TLL1: variants seen among roughly 807,000 people sequenced by gnomAD.
TLL1 encodes the protein tolloid-like protein 1.
A neutral mutation model predicts 128.2 loss-of-function variants in TLL1; 49 were observed. That is an observed-to-expected ratio of 0.38 (90% CI 0.30 to 0.48). TLL1 has a LOEUF of 0.48. TLL1 is among the 20% of genes least tolerant of loss of function. The probability of loss-of-function intolerance (pLI) is 0.96; values close to 1 mark genes in which losing one functional copy is unlikely to be tolerated. For synonymous variants in TLL1, 454 were observed against 418.8 expected (o/e 1.08, Z -1.03); for missense variants, 1,123 against 1,242.0 (o/e 0.90, Z 1.44).
At position 166,055,185 on chromosome 4, in the gene TLL1, T is replaced by G. The variant is rs1351183608; in HGVS notation, c.1634T>G (p.Ile545Arg). ...RFCGYDKPED[I>R]RSTSNTLWMK... The stretch of plus-strand genomic sequence containing the variant: ...TGTGGTTATGACAAACCTGAAGACA[T>G]AAGATCTACCTCCAATACTTTGTGG... The change falls in exon 13 of 21, where the codon ATA becomes AGA. Residue 545 changes from isoleucine (I) to arginine (R), a missense_variant. This residue lies in a region of TLL1 where 634 missense variants were observed against 672.4 expected (regional missense o/e 0.94). Transcript: ENST00000061240. 1 of 1,613,698 alleles carries G rather than the reference T, an allele frequency of 6.2e-7. No individual in the cohort carries two copies. Among genetic ancestry groups the G allele is most frequent in the Non-Finnish European group, 8.5e-7 (1 of 1,179,780 alleles).
Position 165,991,498 on chromosome 4 carries a change from T to A in TLL1, c.281-1306T>A, listed in dbSNP as rs117099649. Among the ~76,000 whole-genome samples, 446 of 152,078 alleles carry A rather than the reference T, an allele frequency of 2.9e-3. 9 individuals carry two copies. The East Asian group carries it at 0.06, about 21-fold the overall frequency. ...TACCTCATCTTTCTAAAATGTGCAA[T>A]GAAAAAATTTCAAAAATGTTTCTCA... On this transcript the variant is annotated intron_variant, in intron 2 of 20. Transcript: ENST00000061240.
At chr4:165,903,569 T>C (rs1271823487) in intron 1 of TLL1, among the ~76,000 whole-genome samples, 1 of 151,592 alleles carries the variant, frequency 6.6e-6, no homozygotes, top group Middle Eastern at 3.4e-3. Context: ...TGTACCACCA[T>C]GCCCCACTAA....
At chr4:165,979,093 A>G (rs1053229934) in intron 1 of TLL1, among the ~76,000 whole-genome samples, 6 of 152,100 alleles carry the variant, frequency 3.9e-5, no homozygotes, top group Non-Finnish European at 8.8e-5. Context: ...TTACGTGGCT[A>G]TTGCTGCTGC....
intron 1 of TLL1, among the ~76,000 whole-genome samples, chr4:165,986,113 T>C: frequency 6.6e-6 from 1 of 151,970 alleles, no homozygotes; most frequent in East Asian, 1.9e-4. Flanking sequence ...ATCTCCAACT[T>C]TGTTTTTTGA....
At chr4:165,996,582 G>A (rs543457460) in intron 5 of TLL1, among the ~76,000 whole-genome samples, 25 of 148,558 alleles carry the variant, frequency 1.7e-4, no homozygotes, top group Middle Eastern at 3.4e-3. Flanking sequence ...CTGTGCAACA[G>A]AGGAAGACTC....
chr4:166,100,760 T>C lies in TLL1; in HGVS notation c.2926T>C (p.Ser976Pro). 6.2e-7 allele frequency: 1 copy of C among 1,613,026 alleles called. No individual in the cohort carries two copies. The highest frequency in any genetic ancestry group is 8.5e-7 in the Non-Finnish European group (1 of 1,179,308). ...CCTTCAGCCACCAGAAGAGATTTAT[T>C]CAATTGGAGATTCAGTTTTAATTCA... ...CGSGPPEEIYSIGDSVLIHFH... is the reference protein window; with the variant it reads ...CGSGPPEEIYPIGDSVLIHFH... Residue 976 changes from serine to proline, a missense_variant, in exon 21 of 21, where the codon TCA becomes CCA. Coordinates refer to ENST00000061240, the MANE Select transcript of TLL1 (RefSeq NM_012464.5).
intron 1 of TLL1, among the ~76,000 whole-genome samples, chr4:165,879,362 C>T (rs566867091): frequency 6.6e-6 from 1 of 152,106 alleles, no homozygotes; most frequent in African/African-American, 2.4e-5. Context: ...GCAAATTTCT[C>T]TCATGTGAAA....
At chr4:165,926,317 G>A (rs1733265389) in intron 1 of TLL1, among the ~76,000 whole-genome samples, 1 of 152,134 alleles carries the variant, frequency 6.6e-6, no homozygotes, top group South Asian at 2.1e-4. Flanking sequence ...AAACTAGGAT[G>A]GGGAAGATTT....
At chr4:165,923,173 G>GA (rs1410218391) in intron 1 of TLL1, among the ~76,000 whole-genome samples, 2 of 151,966 alleles carry the variant, frequency 1.3e-5, no homozygotes, top group Non-Finnish European at 2.9e-5. Flanking sequence ...AATCCCTAGG[G>GA]AAAATGTGAT....
At chr4:165,919,688 G>A in intron 1 of TLL1, 1 of 387,796 alleles carries the variant, frequency 2.6e-6, no homozygotes, top group East Asian at 8.4e-5. Flanking sequence ...GCTTATTCTA[G>A]GCTTTCATCC....
intron 1 of TLL1, among the ~76,000 whole-genome samples, chr4:165,883,687 A>T (rs1339306758): frequency 6.6e-6 from 1 of 152,156 alleles, no homozygotes; most frequent in Non-Finnish European, 1.5e-5. Context: ...TGGAGAGATG[A>T]TCTTTATGAA....
At chr4:165,981,214 A>G (rs1038119018) in intron 1 of TLL1, among the ~76,000 whole-genome samples, 3 of 152,058 alleles carry the variant, frequency 2.0e-5, no homozygotes, top group Non-Finnish European at 2.9e-5. Context: ...TTAACCAGAT[A>G]GTTCAATAGA....
chr4:166,043,312 A>G lies in TLL1; in HGVS notation c.1417A>G (p.Ile473Val). The change falls in exon 12 of 21, where the codon ATT becomes GTT. Residue 473 changes from isoleucine to valine, a missense_variant. Coordinates refer to ENST00000061240, the MANE Select transcript of TLL1 (RefSeq NM_012464.5). ...TGAGATACGTAAAAATGAAGGACAGATTCAGTCTCCCAATTATCCTGATGA... is the reference window on the plus strand; with the variant it reads ...TGAGATACGTAAAAATGAAGGACAGGTTCAGTCTCCCAATTATCCTGATGA... ...GGEIRKNEGQ[I>V]QSPNYPDDYR... 6.2e-7 allele frequency: 1 copy of G among 1,614,154 alleles called. No individual in the cohort carries two copies. The highest frequency in any genetic ancestry group is 8.5e-7 in the Non-Finnish European group (1 of 1,179,988).
At chr4:166,036,874 A>G (rs899535342) in intron 9 of TLL1, among the ~76,000 whole-genome samples, 1 of 151,270 alleles carries the variant, frequency 6.6e-6, no homozygotes, top group South Asian at 2.1e-4. Flanking sequence ...ATCCAAATGC[A>G]CTTTTTAATT....
At chr4:166,095,051 G>A (rs1413207701) in intron 19 of TLL1, among the ~76,000 whole-genome samples, 1 of 152,074 alleles carries the variant, frequency 6.6e-6, no homozygotes, top group African/African-American at 2.4e-5. Flanking sequence ...CGTGTATAAA[G>A]CATTTATTCA....
At chr4:165,977,423 T>C (rs1033332465) in intron 1 of TLL1, among the ~76,000 whole-genome samples, 3 of 152,206 alleles carry the variant, frequency 2.0e-5, no homozygotes, top group African/African-American at 7.2e-5. Flanking sequence ...TCCTGAGGCC[T>C]CTCCAATCGT....
intron 1 of TLL1, among the ~76,000 whole-genome samples, chr4:165,899,411 G>T (rs925712791): frequency 2.0e-5 from 3 of 152,022 alleles, no homozygotes; most frequent in African/African-American, 7.2e-5. Flanking sequence ...TAGAGATTCT[G>T]GTATGTTGTT....
At position 166,021,931 on chromosome 4, in the gene TLL1, C is replaced by T. The variant is rs545222361; in HGVS notation, c.1043-3385C>T. On this transcript the variant is annotated intron_variant, in intron 8 of 20. Transcript: ENST00000061240. ...CTTCCTGGAGTTGATATTGGTGCTTCGTTTTAAAGGATGGTTTGGGCTTGG... is the reference window on the plus strand; with the variant it reads ...CTTCCTGGAGTTGATATTGGTGCTTTGTTTTAAAGGATGGTTTGGGCTTGG... Among the ~76,000 whole-genome samples the T allele has an allele frequency of 1.5e-4, 23 of 152,178 alleles. 1 individual carries two copies. The South Asian group carries it at 4.6e-3, about 30-fold the overall frequency.
intron 3 of TLL1, among the ~76,000 whole-genome samples, chr4:165,993,666 A>C (rs933523792): frequency 6.6e-6 from 1 of 152,112 alleles, no homozygotes; most frequent in African/African-American, 2.4e-5. Flanking sequence ...AAGAATAATC[A>C]TGTAAATTTA....
Sources: allele counts gnomAD v4.1 joint callset (sites outside exome capture counted in the v4.1 genomes callset), GRCh38; gene constraint gnomAD v4.1.1; regional missense constraint gnomAD v4.1.1; transcripts MANE v1.5; gene names NCBI Gene and HGNC (gene_info 2026-07-23, HGNC 2026-07-21).